Variants in TTC17 observed in about 807,000 individuals in gnomAD.
TTC17 encodes tetratricopeptide repeat protein 17.
TTC17 carries 58 observed loss-of-function variants against 143.8 expected under a neutral mutation model. That is an observed-to-expected ratio of 0.40 (90% CI 0.33 to 0.50). The LOEUF is 0.50. Ranked by LOEUF, TTC17 falls within the 20% of genes least tolerant of loss-of-function variation. The pLI, the probability that TTC17 is intolerant of heterozygous loss-of-function variation, is 0.49. For missense variants in TTC17, 1,273 were observed against 1,392.5 expected (o/e 0.91, Z 1.37); for synonymous variants, 501 against 497.8 (o/e 1.01, Z -0.09).
rs1452781838 is a variant in TTC17, at chr11:43,362,172, TGTGTG to T, written c.159+3060_159+3064del. Reference sequence around the variant, plus strand: ...ATTTGTGTGTGTGTGTGTGTGTGTGTGTGTGTGTGTGTGTGTGTGTGTATTTTTAG... The same window carrying T: ...ATTTGTGTGTGTGTGTGTGTGTGTGTTGTGTGTGTGTGTGTGTATTTTTAG... On this transcript the variant is annotated intron_variant, in intron 1 of 23. Coordinates refer to ENST00000039989, the MANE Select transcript of TTC17 (RefSeq NM_018259.6). 1.4e-3 allele frequency among the ~76,000 whole-genome samples: 219 copies of T among 151,242 alleles called. 5 individuals are homozygous for T. In the East Asian group the frequency reaches 0.038, roughly 26 times the overall value.
chr11:43,440,112 A>G (rs769586815), intron 16 of TTC17, among the ~76,000 whole-genome samples: 12 of 152,218 alleles, frequency 7.9e-5, no homozygotes, highest in African/African-American at 1.2e-4. Flanking sequence ...AGATCTCTCT[A>G]CAATCCAGAC....
At chr11:43,383,587 C>T (rs1374936522) in intron 2 of TTC17, among the ~76,000 whole-genome samples, 1 of 150,734 alleles carries the variant, frequency 6.6e-6, no homozygotes, top group Non-Finnish European at 1.5e-5. Context: ...TGGCCTTAAA[C>T]TCCTGACCTC....
intron 16 of TTC17, among the ~76,000 whole-genome samples, chr11:43,425,365 A>G (rs1432943242): frequency 6.6e-6 from 1 of 152,188 alleles, no homozygotes; most frequent in African/African-American, 2.4e-5. Context: ...GGCAAAATAC[A>G]CAACCTATTC....
At chr11:43,444,716 AATAC>A (rs1222564381) in intron 18 of TTC17, among the ~76,000 whole-genome samples, 2 of 111,924 alleles carry the variant, frequency 1.8e-5, no homozygotes, top group East Asian at 4.8e-4. Context: ...CAGTTCACCA[AATAC>A]ATACACACAC....
At chr11:43,460,132 T>G (rs1325201809) in intron 21 of TTC17, among the ~76,000 whole-genome samples, 1 of 152,122 alleles carries the variant, frequency 6.6e-6, no homozygotes, top group Non-Finnish European at 1.5e-5. Flanking sequence ...TTCAGAACCT[T>G]TTGCTGAAGA....
Position 43,468,908 on chromosome 11 carries a change from A to C in TTC17, c.3030+17643A>C, listed in dbSNP as rs150436072. 4.1e-3 allele frequency among the ~76,000 whole-genome samples: 622 copies of C among 152,338 alleles called. 2 individuals carry two copies. Among genetic ancestry groups the C allele is most frequent in the Non-Finnish European group, 7.1e-3 (485 of 68,036 alleles). Reference sequence around the variant, plus strand: ...CCACTGCACTCCAGCTTAAAAAAAAATAAAATGTATCTTCAACAGACACTT... The same window carrying C: ...CCACTGCACTCCAGCTTAAAAAAAACTAAAATGTATCTTCAACAGACACTT... On this transcript the variant is annotated intron_variant, in intron 21 of 23. Transcript: ENST00000039989.
rs147462704 is a variant in TTC17 at position 43,397,123 on chromosome 11, C to T, written c.774-224C>T. 4.1e-4 allele frequency: 210 copies of T among 506,136 alleles called. 1 individual carries two copies. The highest frequency in any genetic ancestry group is 3.7e-3 in the African/African-American group (195 of 52,728). 31.4% of individuals were successfully genotyped at this position (506,136 alleles called of 1,614,324 possible). On this transcript the variant is annotated intron_variant, in intron 6 of 23. Transcript: ENST00000039989. The stretch of plus-strand genomic sequence containing the variant: ...TAACTTTTCTTAAAGCAAATATAAG[C>T]CCTAAATAAATTGTAAAATCATACA...
chr11:43,446,404 C>A, intron 18 of TTC17: 1 of 223,336 alleles, frequency 4.5e-6, no homozygotes, highest in Non-Finnish European at 7.6e-6. Context: ...ACCTTCCTTA[C>A]TAGACTGTGA....
chr11:43,482,628 T>C (rs1173762034), intron 21 of TTC17, among the ~76,000 whole-genome samples: 1 of 152,160 alleles, frequency 6.6e-6, no homozygotes, highest in Non-Finnish European at 1.5e-5. Context: ...TAATGCTTCA[T>C]GTGCACTAGA....
intron 21 of TTC17, among the ~76,000 whole-genome samples, chr11:43,485,203 G>C (rs1482311285): frequency 6.6e-6 from 1 of 152,110 alleles, no homozygotes; most frequent in African/African-American, 2.4e-5. Context: ...GTGCCAAAAA[G>C]GTTGGGGACC....
chr11:43,476,692 C>T (rs1186957262), intron 21 of TTC17, among the ~76,000 whole-genome samples: 1 of 152,236 alleles, frequency 6.6e-6, no homozygotes, highest in Non-Finnish European at 1.5e-5. Flanking sequence ...CACCAAGTCT[C>T]TAGGCTGCAC....
At chr11:43,407,662 G>A (rs1292443994) in intron 15 of TTC17, 85 bp downstream of exon 15, 12 of 1,295,892 alleles carry the variant, frequency 9.3e-6, no homozygotes, top group South Asian at 1.4e-5. Flanking sequence ...TCTAGGGAAA[G>A]CATAAAAAAT....
rs372135133 is a variant in TTC17, at chr11:43,414,786, T to G, written c.2251+10T>G. 1.9e-4 allele frequency: 311 copies of G among 1,608,238 alleles called. 2 individuals are homozygous for G. The highest frequency in any genetic ancestry group is 5.3e-4 in the Admixed American group (31 of 58,316). Reference sequence around the variant, plus strand: ...TCTTCTGTTTGCAGTGGTAAGCAGCTTTCAAATGCTGACAAACTAATGAGC... The same window carrying G: ...TCTTCTGTTTGCAGTGGTAAGCAGCGTTCAAATGCTGACAAACTAATGAGC... On this transcript the variant is annotated intron_variant, in intron 16 of 23. Coordinates refer to ENST00000039989, the MANE Select transcript of TTC17 (RefSeq NM_018259.6).
rs570535351 is a variant in TTC17, at chr11:43,391,204, C to T, written c.420-261C>T. Among the ~76,000 whole-genome samples, 31 of 152,128 alleles carry T rather than the reference C, an allele frequency of 2.0e-4. No individual in the cohort carries two copies. In the South Asian group the frequency reaches 6.2e-3, roughly 31 times the overall value. On this transcript the variant is annotated intron_variant, in intron 3 of 23. Coordinates refer to ENST00000039989, the MANE Select transcript of TTC17 (RefSeq NM_018259.6). ...ACTTGAGGCCAGGAGTTCAGAACTA[C>T]CCTGGGCAACATAGTGAGACCTGTC...
At chr11:43,396,094 T>C (rs1857580241) in intron 5 of TTC17, 1 of 152,146 alleles carries the variant, frequency 6.6e-6, no homozygotes, top group Non-Finnish European at 1.5e-5. Context: ...AAGTTAATAA[T>C]ATTCAGTAAG....
At position 43,407,144 on chromosome 11, in the gene TTC17, C is replaced by G; in HGVS notation, c.1768C>G (p.Leu590Val). The change falls in exon 14 of 24, where the codon CTT becomes GTT. Residue 590 changes from leucine to valine, a missense_variant. Around this residue, in one of 3 missense-constraint regions of TTC17, gnomAD observed 878 missense variants for 899.8 expected, o/e 0.98. Coordinates refer to ENST00000039989, the MANE Select transcript of TTC17 (RefSeq NM_018259.6). ...MPDDHARKIL[L>V]SRINNYTIPE... is the part of the protein sequence containing the mutation. ...CTTCCTTTTGATGTTTCAGATTTTG[C>G]TTTCCCGTATTAATAACTATACTAT... 1 of 1,575,524 alleles carries G rather than the reference C, an allele frequency of 6.3e-7. No homozygotes were observed. Among genetic ancestry groups the G allele is most frequent in the Non-Finnish European group, 8.6e-7 (1 of 1,166,468 alleles).
intron 16 of TTC17, among the ~76,000 whole-genome samples, chr11:43,426,978 T>C (rs1947043844): frequency 6.6e-6 from 1 of 152,194 alleles, no homozygotes; most frequent in Non-Finnish European, 1.5e-5. Context: ...GGTTTAAATA[T>C]TATATTTACT....
intron 21 of TTC17, among the ~76,000 whole-genome samples, chr11:43,453,512 A>G (rs1194590891): frequency 6.6e-6 from 1 of 152,226 alleles, no homozygotes; most frequent in Non-Finnish European, 1.5e-5. Flanking sequence ...ATATGCTACC[A>G]AACTGACCAT....
intron 16 of TTC17, among the ~76,000 whole-genome samples, chr11:43,437,625 G>C (rs1255153736): frequency 6.6e-6 from 1 of 152,072 alleles, no homozygotes; most frequent in Admixed American, 6.6e-5. Context: ...GAGTGGTTTT[G>C]AGTATTTAAA....
Sources: allele counts gnomAD v4.1 joint callset (sites outside exome capture counted in the v4.1 genomes callset), GRCh38; gene constraint gnomAD v4.1.1; regional missense constraint gnomAD v4.1.1; transcripts MANE v1.5; gene names NCBI Gene and HGNC (gene_info 2026-07-23, HGNC 2026-07-21).